OTOGL: variants seen among roughly 807,000 people sequenced by gnomAD.
The protein encoded by OTOGL is otogelin-like protein.
A neutral mutation model predicts 318.5 loss-of-function variants in OTOGL; 285 were observed. The observed-to-expected ratio is 0.89, with a 90% confidence interval of 0.81 to 0.99. The LOEUF is 0.99. Among genes scored for constraint, OTOGL ranks in the 50% least tolerant of loss-of-function variants. OTOGL has a pLI of 0.00. For missense variants in OTOGL, 2,899 were observed against 2,845.6 expected (o/e 1.02, Z -0.43); for synonymous variants, 987 against 936.5 (o/e 1.05, Z -0.99).
chr12:80,367,459 G>C (rs1419296196), intron 53 of OTOGL, 102 bp from the exon 54 acceptor site: 18 of 858,952 alleles, frequency 2.1e-5, no homozygotes, highest in South Asian at 5.2e-5. Context: ...TGAAAAATTG[G>C]CACATCGCAA....
chr12:80,305,309 T>C (rs1443239786), intron 28 of OTOGL, among the ~76,000 whole-genome samples: 1 of 152,200 alleles, frequency 6.6e-6, no homozygotes, highest in African/African-American at 2.4e-5. Flanking sequence ...TTATTTATGT[T>C]ATTAGTTGTA....
chr12:80,265,309 G>T, intron 20 of OTOGL, 99 bp downstream of exon 20: 1 of 1,146,660 alleles, frequency 8.7e-7, no homozygotes, highest in Admixed American at 2.4e-5. Context: ...TGTCAATATT[G>T]CATGTAAGTT....
intron 24 of OTOGL, among the ~76,000 whole-genome samples, chr12:80,276,459 G>A (rs1233805395): frequency 1.3e-5 from 2 of 151,658 alleles, no homozygotes; most frequent in South Asian, 2.1e-4. Flanking sequence ...GTCACTATAA[G>A]CTATTTAATG....
At chr12:80,203,811 T>A (rs11611860) in intron 1 of OTOGL, among the ~76,000 whole-genome samples, 64,982 of 152,016 alleles carry the variant, frequency 0.43, 16,643 homozygotes, top group Admixed American at 0.58. Context: ...ATTCTCTTTT[T>A]ATCATAATGC....
At position 80,313,449 on chromosome 12, in the gene OTOGL, T is replaced by A. The variant is rs1053263431; in HGVS notation, c.3451-27T>A. ...AATCATAATCAGTATCTATTGAAAT[T>A]AAGTAATCTTTCACCTCATTTTTCA... On this transcript the variant is annotated intron_variant, in intron 30 of 58. Coordinates refer to ENST00000547103, the MANE Select transcript of OTOGL (RefSeq NM_001378609.3). The A allele has an allele frequency of 7.6e-6, 12 of 1,571,896 alleles. No individual in the cohort carries two copies. In the African/African-American group the frequency reaches 9.5e-5, roughly 12 times the overall value.
chr12:80,359,531 T>C (rs1181843895), intron 52 of OTOGL, among the ~76,000 whole-genome samples: 1 of 152,218 alleles, frequency 6.6e-6, no homozygotes, highest in Non-Finnish European at 1.5e-5. Context: ...AAAGACATTT[T>C]ACTTTTCTTT....
At chr12:80,239,223 C>G (rs1880145932) in intron 10 of OTOGL, 110 bp from the exon 11 acceptor site, 9 of 998,138 alleles carry the variant, frequency 9.0e-6, no homozygotes, top group African/African-American at 3.3e-5. Context: ...AAGTTACCAT[C>G]TTTTTCCTTG....
At chr12:80,158,427 G>T (rs1234628213) in intron 1 of OTOGL, among the ~76,000 whole-genome samples, 2 of 152,142 alleles carry the variant, frequency 1.3e-5, no homozygotes, top group African/African-American at 4.8e-5. Flanking sequence ...GTAAGGGATT[G>T]TGTGGTCATA....
intron 3 of OTOGL, 44 bp downstream of exon 3, chr12:80,210,930 A>C (rs530891214): frequency 2.2e-6 from 3 of 1,359,610 alleles, no homozygotes; most frequent in Non-Finnish European, 2.9e-6. Context: ...CATAAAGTTA[A>C]TGGGAATGAG....
intron 1 of OTOGL, among the ~76,000 whole-genome samples, chr12:80,144,812 A>G (rs1421537890): frequency 6.6e-6 from 1 of 152,138 alleles, no homozygotes; most frequent in Non-Finnish European, 1.5e-5. Context: ...GCCAGTGATG[A>G]TGAGCATTTT....
chr12:80,113,374 C>A (rs1485631178), intron 1 of OTOGL, among the ~76,000 whole-genome samples: 1 of 152,150 alleles, frequency 6.6e-6, no homozygotes, highest in Admixed American at 6.5e-5. Flanking sequence ...TTCCTGCTTT[C>A]TCCTGTGGGC....
At chr12:80,316,459 T>C (rs1229157771) in intron 32 of OTOGL, among the ~76,000 whole-genome samples, 1 of 152,208 alleles carries the variant, frequency 6.6e-6, no homozygotes, top group East Asian at 1.9e-4. Flanking sequence ...ACTTGCTACA[T>C]TTTGCTCTCT....
At chr12:80,131,747 T>C (rs1046606605) in intron 1 of OTOGL, 2 of 152,218 alleles carry the variant, frequency 1.3e-5, no homozygotes, top group Admixed American at 6.5e-5. Flanking sequence ...GTTCATTTAA[T>C]CCCTGTAAGA....
rs181404962 is a variant in OTOGL, at chr12:80,214,221, C to T, written c.168+2224C>T. ...CTAAGACATAGACTTAGGTGCAGGT[C>T]ATTTATTTGGAAAGTGTACAAATAA... On this transcript the variant is annotated intron_variant, in intron 4 of 58. Coordinates refer to ENST00000547103, the MANE Select transcript of OTOGL (RefSeq NM_001378609.3). Among the ~76,000 whole-genome samples the T allele has an allele frequency of 3.3e-5, 5 of 152,144 alleles. No individual in the cohort carries two copies. In the East Asian group the frequency reaches 9.7e-4, roughly 29 times the overall value.
intron 1 of OTOGL, among the ~76,000 whole-genome samples, chr12:80,115,280 T>A (rs973506276): frequency 6.6e-6 from 1 of 152,102 alleles, no homozygotes; most frequent in Non-Finnish European, 1.5e-5. Flanking sequence ...GGAGTTTTTG[T>A]GTGGTCTTCC....
Position 80,333,134 on chromosome 12 carries a change from A to G in OTOGL, c.4422+56A>G, listed in dbSNP as rs1888184654. On this transcript the variant is annotated intron_variant, in intron 38 of 58. Coordinates refer to ENST00000547103, the MANE Select transcript of OTOGL (RefSeq NM_001378609.3). ...GTCATTTCCATATATCATCCATTCA[A>G]ATTTCTGTGTCAATATCCAAATGCT... The G allele has an allele frequency of 1.7e-5, 25 of 1,459,202 alleles. 2 individuals carry two copies. Among genetic ancestry groups the G allele is most frequent in the Middle Eastern group, 3.4e-4 (2 of 5,820 alleles). 90.4% of individuals were successfully genotyped at this position (1,459,202 alleles called of 1,614,324 possible).
At chr12:80,289,814 G>T (rs1161963733) in intron 26 of OTOGL, among the ~76,000 whole-genome samples, 1 of 152,180 alleles carries the variant, frequency 6.6e-6, no homozygotes, top group East Asian at 1.9e-4. Context: ...CAAGCCAGTG[G>T]TTCTTAGCTT....
intron 37 of OTOGL, among the ~76,000 whole-genome samples, chr12:80,329,385 C>A (rs990099557): frequency 3.9e-5 from 6 of 152,170 alleles, no homozygotes; most frequent in African/African-American, 1.4e-4. Flanking sequence ...GGCTACGTGC[C>A]TCATTTTCTG....
chr12:80,359,049 A>T (rs555515938), intron 52 of OTOGL, 149 bp downstream of exon 52: 5 of 671,382 alleles, frequency 7.4e-6, no homozygotes, highest in African/African-American at 1.8e-5. Flanking sequence ...GTGCTCTGAT[A>T]TTAGGAAATA....
Sources: gnomAD v4.1 joint callset for allele counts (sites outside exome capture counted in the v4.1 genomes callset) on GRCh38, gnomAD v4.1.1 for gene constraint, MANE v1.5 for transcripts, NCBI Gene and HGNC (gene_info 2026-07-23, HGNC 2026-07-21) for gene names.